HSD17B12: variants seen among roughly 807,000 people sequenced by gnomAD.
The protein encoded by HSD17B12 is very-long-chain 3-oxoacyl-CoA reductase.
Under a neutral mutation model 39.3 loss-of-function variants are expected in HSD17B12, and 32 were observed. The observed-to-expected ratio is 0.81, with a 90% confidence interval of 0.61 to 1.09. The LOEUF is 1.09. Ranked by LOEUF, HSD17B12 falls within the 50% of genes least tolerant of loss-of-function variation. The pLI is 0.00. For missense variants in HSD17B12, 342 were observed against 382.9 expected (o/e 0.89, Z 0.89); for synonymous variants, 150 against 146.7 (o/e 1.02, Z -0.16).
chr11:43,572,770 A>C, the HSD17B12 span, among the ~76,000 whole-genome samples: 37 of 152,174 alleles, frequency 2.4e-4, no homozygotes, highest in African/African-American at 8.7e-4. Flanking sequence ...GAAGCTGAAA[A>C]ACTATTGGTT....
Position 43,768,586 on chromosome 11 carries a change from C to T in HSD17B12, c.283+14465C>T, listed in dbSNP as rs980341553. 7.2e-5 allele frequency among the ~76,000 whole-genome samples: 11 copies of T among 152,244 alleles called. No homozygotes were observed. The South Asian group carries it at 8.3e-4, about 11-fold the overall frequency. On this transcript the variant is annotated intron_variant, in intron 3 of 10. Coordinates refer to ENST00000278353, the MANE Select transcript of HSD17B12 (RefSeq NM_016142.3). ...CAGAGTTTGTTCCTCCAGATGGGTC[C>T]AGAATTTATTCCTTCTGGTGGGTTC... is the stretch of plus-strand genomic sequence containing the variant.
chr11:43,686,904 T>A (rs1949805610), intron 1 of HSD17B12, among the ~76,000 whole-genome samples: 1 of 152,238 alleles, frequency 6.6e-6, no homozygotes, highest in African/African-American at 2.4e-5. Context: ...CATTGTCAGA[T>A]AACTGAGATT....
the HSD17B12 span, among the ~76,000 whole-genome samples, chr11:43,585,623 A>G: frequency 6.6e-6 from 1 of 152,246 alleles, no homozygotes; most frequent in Admixed American, 6.5e-5. Flanking sequence ...AATCGTCTAT[A>G]ATTTCCACCA....
At chr11:43,736,279 TCA>T (rs1009637836) in intron 1 of HSD17B12, among the ~76,000 whole-genome samples, 3 of 152,144 alleles carry the variant, frequency 2.0e-5, no homozygotes, top group Non-Finnish European at 4.4e-5. Context: ...AATCTGCTTT[TCA>T]CAGTTTTTTT....
chr11:43,803,951 T>G (rs1950994538), intron 4 of HSD17B12, among the ~76,000 whole-genome samples: 3 of 152,308 alleles, frequency 2.0e-5, no homozygotes, highest in Non-Finnish European at 4.4e-5. Context: ...ACTTGATTCC[T>G]TAGGAGAGAC....
chr11:43,681,212 G>A lies in HSD17B12; in HGVS notation c.160+225G>A, dbSNP rs1046541017. The stretch of plus-strand genomic sequence containing the variant: ...CGAAATACACTGCTCGCTCAATCCT[G>A]GGAATCTAAGCTCAGCTTAGGGTGT... On this transcript the variant is annotated intron_variant, in intron 1 of 10. Coordinates refer to ENST00000278353, the MANE Select transcript of HSD17B12 (RefSeq NM_016142.3). 9.8e-5 allele frequency: 125 copies of A among 1,272,562 alleles called. 2 individuals are homozygous for A. In the South Asian group the frequency reaches 2.2e-3, roughly 23 times the overall value. The allele number at this position is 1,272,562 out of a possible 1,614,324, so 78.8% of individuals were successfully genotyped here.
At chr11:43,756,720 A>G (rs1565076658) in intron 3 of HSD17B12, among the ~76,000 whole-genome samples, 1 of 152,214 alleles carries the variant, frequency 6.6e-6, no homozygotes, top group East Asian at 1.9e-4. Flanking sequence ...AAACAAGAAA[A>G]GCTACCTCAT....
At chr11:43,844,947 AAATTCTT>A (rs1238633379) in intron 9 of HSD17B12, among the ~76,000 whole-genome samples, 3 of 152,120 alleles carry the variant, frequency 2.0e-5, no homozygotes, top group Admixed American at 6.5e-5. Flanking sequence ...CTTCAATTCT[AAATTCTT>A]GAGTGTGTAC....
At chr11:43,760,905 G>T (rs954436653) in intron 3 of HSD17B12, among the ~76,000 whole-genome samples, 1 of 152,112 alleles carries the variant, frequency 6.6e-6, no homozygotes, top group Non-Finnish European at 1.5e-5. Flanking sequence ...TTTGTTGCTC[G>T]TAGAGTTTAT....
chr11:43,684,722 A>T (rs2134764314), intron 1 of HSD17B12, among the ~76,000 whole-genome samples: 1 of 152,328 alleles, frequency 6.6e-6, no homozygotes. Flanking sequence ...TATACCATAC[A>T]ATTTGCCCAT....
At chr11:43,562,553 TTTA>T in the HSD17B12 span, among the ~76,000 whole-genome samples, 10 of 152,224 alleles carry the variant, frequency 6.6e-5, no homozygotes, top group African/African-American at 2.4e-4. Flanking sequence ...ACTTTTATTT[TTTA>T]TTATTATTTT....
At chr11:43,637,686 G>A in the HSD17B12 span, among the ~76,000 whole-genome samples, 3 of 152,238 alleles carry the variant, frequency 2.0e-5, no homozygotes, top group Non-Finnish European at 4.4e-5. Flanking sequence ...TGTTGAAGAC[G>A]CAAAGTTAAT....
rs147962977 is a variant in HSD17B12 at position 43,706,689 on chromosome 11, G to GGTGTGTGTGTGTGTGTGT, written c.160+25717_160+25734dup. 7.4e-3 allele frequency among the ~76,000 whole-genome samples: 1,017 copies of GGTGTGTGTGTGTGTGTGT among 137,878 alleles called. 6 individuals carry two copies. Among genetic ancestry groups the GGTGTGTGTGTGTGTGTGT allele is most frequent in the African/African-American group, 0.01 (378 of 36,118 alleles). The allele number at this position is 137,878 out of a possible 152,430, so 90.5% of individuals were successfully genotyped here. A position where few individuals can be genotyped will look rare whatever the true frequency, so the allele number is the denominator to read the frequency against. On this transcript the variant is annotated intron_variant, in intron 1 of 10. Coordinates refer to ENST00000278353, the MANE Select transcript of HSD17B12 (RefSeq NM_016142.3). ...TCAAGCTTTGCTCTGTGAATGAAGG[G>GGTGTGTGTGTGTGTGTGT]GTGTGTGTGTGTGTGTGTGTGTGTG... is the stretch of plus-strand genomic sequence containing the variant.
chr11:43,674,420 A>G, the HSD17B12 span, among the ~76,000 whole-genome samples: 1 of 152,206 alleles, frequency 6.6e-6, no homozygotes, highest in African/African-American at 2.4e-5. Context: ...TTTTTCCCTT[A>G]GTAGATAAAA....
chr11:43,591,408 T>C, the HSD17B12 span, among the ~76,000 whole-genome samples: 1 of 152,190 alleles, frequency 6.6e-6, no homozygotes, highest in South Asian at 2.1e-4. Context: ...CTGTCTTACA[T>C]AGTTTTACAC....
the HSD17B12 span, among the ~76,000 whole-genome samples, chr11:43,612,109 AATG>A: frequency 2.2e-4 from 33 of 152,198 alleles, 1 homozygote; most frequent in Non-Finnish European, 2.9e-5. Context: ...TCTGGCTGAA[AATG>A]ATGATAGGAA....
rs1343535971 is a variant in HSD17B12 at position 43,680,899 on chromosome 11, G to A, written c.72G>A (p.Leu24=). ...CGGGCACCGTGGCCTACCTAGCCCT[G>A]CGTATTTCGTACTCGCTCTTCACGG... is the stretch of plus-strand genomic sequence containing the variant. The part of the protein sequence containing the change: ...VGAGTVAYLA[L]RISYSLFTAL... Residue 24 remains leucine, a synonymous_variant, in exon 1 of 11, where the codon CTG becomes CTA. Transcript: ENST00000278353. 4.3e-6 allele frequency: 7 copies of A among 1,613,916 alleles called. No homozygotes were observed. Among genetic ancestry groups the A allele is most frequent in the Admixed American group, 3.3e-5 (2 of 60,004 alleles).
the HSD17B12 span, among the ~76,000 whole-genome samples, chr11:43,635,070 A>T: frequency 6.6e-6 from 1 of 152,236 alleles, no homozygotes; most frequent in Non-Finnish European, 1.5e-5. Context: ...TTATCTCAGC[A>T]AATATAAAAA....
chr11:43,629,253 T>C, the HSD17B12 span, among the ~76,000 whole-genome samples: 1 of 152,182 alleles, frequency 6.6e-6, no homozygotes, highest in Non-Finnish European at 1.5e-5. Flanking sequence ...AACAGCTAGA[T>C]TTCTTTGCAA....
Sources: gnomAD v4.1 joint callset for allele counts (sites outside exome capture counted in the v4.1 genomes callset) on GRCh38, gnomAD v4.1.1 for gene constraint, MANE v1.5 for transcripts, NCBI Gene and HGNC (gene_info 2026-07-23, HGNC 2026-07-21) for gene names.